TCTN3: variants seen among roughly 807,000 people sequenced by gnomAD.
TCTN3 encodes the protein tectonic-3.
TCTN3 carries 57 observed loss-of-function variants against 71.3 expected under a neutral mutation model. The ratio of observed to expected loss-of-function variants is 0.80; its 90% CI spans 0.65 to 1.00. The LOEUF (loss-of-function observed/expected upper bound fraction) is 1.00, where lower values mean the gene tolerates loss of function less well. Among genes scored for constraint, TCTN3 ranks in the 50% least tolerant of loss-of-function variants. The pLI, the probability that TCTN3 is intolerant of heterozygous loss-of-function variation, is 0.00. For missense variants in TCTN3, 696 were observed against 719.9 expected (o/e 0.97, Z 0.38); for synonymous variants, 258 against 267.8 (o/e 0.96, Z 0.36).
intron 3 of TCTN3, among the ~76,000 whole-genome samples, chr10:95,689,731 T>C (rs968194551): frequency 6.6e-6 from 1 of 152,214 alleles, no homozygotes; most frequent in African/African-American, 2.4e-5. Flanking sequence ...ATATTACACC[T>C]AAAAGAGCTT....
At position 95,693,901 on chromosome 10, in the gene TCTN3, G is replaced by A; in HGVS notation, c.-2C>T. On this transcript the variant is annotated 5_prime_UTR_variant, in exon 1 of 14. Coordinates refer to ENST00000371217, the MANE Select transcript of TCTN3 (RefSeq NM_015631.6). ...GAGCGCGAGCTGTGGGGTGCGCATG[G>A]GGCATTCAGGGCCTCCGGGTCCGAC... 2 of 1,551,662 alleles carry A rather than the reference G, an allele frequency of 1.3e-6. No homozygotes were observed. Among genetic ancestry groups the A allele is most frequent in the Non-Finnish European group, 1.7e-6 (2 of 1,146,990 alleles).
intron 13 of TCTN3, among the ~76,000 whole-genome samples, chr10:95,676,214 A>C (rs998641389): frequency 7.9e-5 from 12 of 152,216 alleles, no homozygotes; most frequent in Non-Finnish European, 1.8e-4. Context: ...TAGCATTTAA[A>C]ATACAAAAAC....
In TCTN3 at chr10:95,664,155, C is replaced by T. The variant is rs1352225292; in HGVS notation, c.1736G>A (p.Arg579Lys). The T allele has an allele frequency of 6.2e-7, 1 of 1,614,212 alleles. No homozygotes were observed. The highest frequency in any genetic ancestry group is 8.5e-7 in the Non-Finnish European group (1 of 1,180,038). ...DFFPFKVAFS[R>K]GVFSQKCSVS... ...TGAGCATTTTTGAGAGAATACTCCT[C>T]TGCTGAATGCCACTTTGAAGGGAAA... The change falls in exon 14 of 14, where the codon AGA becomes AAA. Residue 579 changes from arginine to lysine, a missense_variant. By Grantham distance (26) the Arg-to-Lys change is conservative (BLOSUM62 2). Transcript: ENST00000371217.
chr10:95,674,303 G>A (rs1194328699), intron 13 of TCTN3, among the ~76,000 whole-genome samples: 1 of 151,980 alleles, frequency 6.6e-6, no homozygotes, highest in African/African-American at 2.4e-5. Flanking sequence ...AAATGAAACT[G>A]AATAAATTCA....
At chr10:95,665,282 T>C (rs999313138) in intron 13 of TCTN3, among the ~76,000 whole-genome samples, 1 of 151,928 alleles carries the variant, frequency 6.6e-6, no homozygotes, top group African/African-American at 2.4e-5. Context: ...CTAAATTTTT[T>C]TTTTGTGTGT....
chr10:95,675,914 G>A (rs1401360370), intron 13 of TCTN3, among the ~76,000 whole-genome samples: 2 of 152,074 alleles, frequency 1.3e-5, no homozygotes, highest in African/African-American at 2.4e-5. Flanking sequence ...AATAATCCCT[G>A]GAACAATATA....
chr10:95,674,919 T>C (rs772521281), intron 13 of TCTN3, among the ~76,000 whole-genome samples: 1 of 152,224 alleles, frequency 6.6e-6, no homozygotes, highest in Non-Finnish European at 1.5e-5. Flanking sequence ...CATTTTTTTT[T>C]CCTTAGGGAT....
intron 13 of TCTN3, among the ~76,000 whole-genome samples, chr10:95,667,271 T>A (rs1418006395): frequency 6.6e-6 from 1 of 152,174 alleles, no homozygotes; most frequent in African/African-American, 2.4e-5. Flanking sequence ...CATAAAGACA[T>A]GTCTTCTCCC....
At chr10:95,675,639 G>A (rs796958318) in intron 13 of TCTN3, among the ~76,000 whole-genome samples, 12 of 152,276 alleles carry the variant, frequency 7.9e-5, no homozygotes, top group African/African-American at 2.6e-4. Context: ...AAACTACTGA[G>A]TCATAGTTAT....
At chr10:95,688,172 T>G (rs552067635) in intron 3 of TCTN3, among the ~76,000 whole-genome samples, 2 of 151,946 alleles carry the variant, frequency 1.3e-5, no homozygotes, top group African/African-American at 4.8e-5. Context: ...GTGGATCACC[T>G]GAGGTCAGGA....
At chr10:95,679,245 C>A (rs957605768) in intron 13 of TCTN3, among the ~76,000 whole-genome samples, 1 of 152,114 alleles carries the variant, frequency 6.6e-6, no homozygotes, top group East Asian at 1.9e-4. Flanking sequence ...CTAAAGGAAC[C>A]AGAGATGTGG....
At chr10:95,670,341 C>G (rs1020163723) in intron 13 of TCTN3, among the ~76,000 whole-genome samples, 2 of 97,846 alleles carry the variant, frequency 2.0e-5, no homozygotes, top group African/African-American at 6.9e-5. Context: ...TGTTATTGAC[C>G]TACTTTATTT....
intron 13 of TCTN3, among the ~76,000 whole-genome samples, chr10:95,680,271 C>T (rs571195426): frequency 1.3e-5 from 2 of 148,264 alleles, no homozygotes; most frequent in Middle Eastern, 3.5e-3. Flanking sequence ...AGGATATAAG[C>T]GGTATTCATG....
chr10:95,675,940 C>CTTCTAAGTATGT (rs2097936725), intron 13 of TCTN3, among the ~76,000 whole-genome samples: 1 of 152,186 alleles, frequency 6.6e-6, no homozygotes, highest in Non-Finnish European at 1.5e-5. Flanking sequence ...TGTTGCATGT[C>CTTCTAAGTATGT]TGCATTCTTC....
At position 95,680,488 on chromosome 10, in the gene TCTN3, T is replaced by C. The variant is rs745364410; in HGVS notation, c.1574A>G (p.Gln525Arg). The change falls in exon 13 of 14, where the codon CAG (glutamine) becomes CGG (arginine). Residue 525 changes from glutamine (Q) to arginine (R), a missense_variant. Transcript: ENST00000371217. ...AHVSGVRFLY[Q>R]CQSIQDSQQV... ...ATGACTTACCTGTATAGACTGGCAC[T>C]GGTATAGGAATCGAACTCCTGATAC... The C allele has an allele frequency of 1.2e-5, 20 of 1,613,946 alleles. No individual in the cohort carries two copies. The highest frequency in any genetic ancestry group is 1.5e-5 in the Non-Finnish European group (18 of 1,179,976).
intron 13 of TCTN3, among the ~76,000 whole-genome samples, chr10:95,675,852 CTGTT>C (rs1217220961): frequency 1.3e-5 from 2 of 152,146 alleles, no homozygotes; most frequent in East Asian, 3.8e-4. Flanking sequence ...AGTATGCTGC[CTGTT>C]TAATTACAAG....
chr10:95,673,387 C>T (rs1472532832), intron 13 of TCTN3, among the ~76,000 whole-genome samples: 1 of 152,010 alleles, frequency 6.6e-6, no homozygotes, highest in Non-Finnish European at 1.5e-5. Context: ...TCATTTTTCC[C>T]CCATATGTTT....
At chr10:95,671,450 C>T (rs1359020149) in intron 13 of TCTN3, among the ~76,000 whole-genome samples, 1 of 152,170 alleles carries the variant, frequency 6.6e-6, no homozygotes, top group Non-Finnish European at 1.5e-5. Context: ...GATTAGGTTA[C>T]GTTAGGCTTT....
At chr10:95,667,872 A>G (rs956285445) in intron 13 of TCTN3, among the ~76,000 whole-genome samples, 7 of 152,216 alleles carry the variant, frequency 4.6e-5, no homozygotes, top group African/African-American at 1.7e-4. Flanking sequence ...CAGAGCTTTC[A>G]GTCAGCTTAA....
Sources: gnomAD v4.1 joint callset for allele counts (sites outside exome capture counted in the v4.1 genomes callset) on GRCh38, gnomAD v4.1.1 for gene constraint, MANE v1.5 for transcripts, NCBI Gene and HGNC (gene_info 2026-07-23, HGNC 2026-07-21) for gene names.